SLC35D1: variants seen among roughly 807,000 people sequenced by gnomAD.
The protein encoded by SLC35D1 is nucleotide sugar transporter SLC35D1.
SLC35D1 carries 31 observed loss-of-function variants against 46.7 expected under a neutral mutation model. The observed-to-expected ratio is 0.66, with a 90% CI of 0.50 to 0.90. The LOEUF (loss-of-function observed/expected upper bound fraction) is 0.90. Among genes scored for constraint, SLC35D1 ranks in the 40% least tolerant of loss-of-function variants. The pLI, the probability that SLC35D1 is intolerant of heterozygous loss-of-function variation, is 0.00. For synonymous variants in SLC35D1, 195 were observed against 164.6 expected (o/e 1.18, Z -1.41); for missense variants, 397 against 426.2 (o/e 0.93, Z 0.60).
chr1:66,997,104 A>ATAACT (rs1187151356), downstream of SLC35D1, among the ~76,000 whole-genome samples: 1 of 152,206 alleles, frequency 6.6e-6, no homozygotes, highest in African/African-American at 2.4e-5. Flanking sequence ...GTAGAAGTAA[A>ATAACT]TAACTGGACT....
chr1:66,991,555 TC>T, the SLC35D1 span, among the ~76,000 whole-genome samples: 1 of 152,238 alleles, frequency 6.6e-6, no homozygotes, highest in African/African-American at 2.4e-5. Context: ...TCCATGCTAG[TC>T]TTCACAAGGT....
At chr1:67,046,001 G>C (rs969578751) in intron 7 of SLC35D1, among the ~76,000 whole-genome samples, 11 of 152,048 alleles carry the variant, frequency 7.2e-5, no homozygotes, top group Non-Finnish European at 1.6e-4. Flanking sequence ...ATTTTAAAAA[G>C]ATAAAAATTC....
chr1:67,041,613 A>T (rs967516978), intron 8 of SLC35D1, among the ~76,000 whole-genome samples: 1 of 152,150 alleles, frequency 6.6e-6, no homozygotes, highest in Non-Finnish European at 1.5e-5. Context: ...ATATGTTATC[A>T]ATTTGTCTCC....
At chr1:67,043,663 C>A (rs1222099059) in intron 7 of SLC35D1, among the ~76,000 whole-genome samples, 1 of 152,164 alleles carries the variant, frequency 6.6e-6, no homozygotes, top group Non-Finnish European at 1.5e-5. Context: ...GAAGTATTTC[C>A]GAAAACGTGT....
downstream of SLC35D1, among the ~76,000 whole-genome samples, chr1:66,995,433 T>TAAAAAAAAAAA (rs541234514): frequency 2.8e-4 from 10 of 35,808 alleles, 1 homozygote; most frequent in East Asian, 1.4e-3. Flanking sequence ...CCTGCTACGC[T>TAAAAAAAAAAA]AAAAAAAAAA....
At chr1:67,007,357 A>T (rs1175956170) in intron 11 of SLC35D1, among the ~76,000 whole-genome samples, 1 of 152,106 alleles carries the variant, frequency 6.6e-6, no homozygotes, top group Non-Finnish European at 1.5e-5. Context: ...CACTAATCTC[A>T]TTCATGAGGA....
At chr1:67,015,052 TA>T (rs765673252) in intron 10 of SLC35D1, among the ~76,000 whole-genome samples, 1 of 148,760 alleles carries the variant, frequency 6.7e-6, no homozygotes, top group Non-Finnish European at 1.5e-5. Flanking sequence ...TATATATAAT[TA>T]AAAGTACTAG....
At chr1:67,034,898 T>C (rs1668091295) in intron 8 of SLC35D1, among the ~76,000 whole-genome samples, 1 of 152,214 alleles carries the variant, frequency 6.6e-6, no homozygotes, top group African/African-American at 2.4e-5. Context: ...TCAAATGTTT[T>C]TTCCACCATC....
At chr1:66,987,059 A>G in the SLC35D1 span, 2 of 152,450 alleles carry the variant, frequency 1.3e-5, no homozygotes, top group African/African-American at 4.8e-5. Context: ...GCATGTTTGC[A>G]AAAATATGGC....
In SLC35D1 at chr1:67,042,292, G is replaced by A; in HGVS notation, c.673C>T (p.Leu225=). The change falls in exon 8 of 12, where the codon CTG becomes TTG. Residue 225 remains leucine (L), a synonymous_variant. Transcript: ENST00000235345. ...GKYGLLYYNA[L]FMILPTLAIA... Reference sequence around the variant, plus strand: ...GCCAGGGTGGGCAGAATCATGAACAGTGCATTGTAATAGAGCAGTCCATAT... The same window carrying A: ...GCCAGGGTGGGCAGAATCATGAACAATGCATTGTAATAGAGCAGTCCATAT... The A allele has an allele frequency of 6.2e-7, 1 of 1,614,134 alleles. No individual in the cohort carries two copies. Among genetic ancestry groups the A allele is most frequent in the Non-Finnish European group, 8.5e-7 (1 of 1,180,016 alleles).
At chr1:66,973,702 T>C in the SLC35D1 span, among the ~76,000 whole-genome samples, 1 of 152,136 alleles carries the variant, frequency 6.6e-6, no homozygotes, top group African/African-American at 2.4e-5. Context: ...GTTGTTTCCA[T>C]GAGCAACACA....
the SLC35D1 span, chr1:66,981,859 A>G: frequency 6.2e-7 from 1 of 1,614,042 alleles, no homozygotes; most frequent in Non-Finnish European, 8.5e-7. Flanking sequence ...ACTGCATCAA[A>G]CAGTAGTAAC....
chr1:67,021,687 T>G, intron 8 of SLC35D1, 85 bp from the exon 9 acceptor site: 3 of 1,006,742 alleles, frequency 3.0e-6, no homozygotes, highest in Non-Finnish European at 4.5e-6. Flanking sequence ...TCTACGAGTC[T>G]GCCTCCAACA....
At chr1:67,038,227 C>A (rs1668164229) in intron 8 of SLC35D1, among the ~76,000 whole-genome samples, 1 of 152,140 alleles carries the variant, frequency 6.6e-6, no homozygotes. Flanking sequence ...TCTGTGTGGT[C>A]CACAGAGCAA....
intron 11 of SLC35D1, among the ~76,000 whole-genome samples, chr1:67,007,210 A>T (rs1667468339): frequency 6.6e-6 from 1 of 152,254 alleles, no homozygotes. Context: ...ATGGTGGCTT[A>T]TAAACAACAG....
intron 10 of SLC35D1, among the ~76,000 whole-genome samples, chr1:67,010,347 ATCT>A (rs1667539696): frequency 6.6e-6 from 1 of 152,306 alleles, no homozygotes; most frequent in South Asian, 2.1e-4. Flanking sequence ...ATATCTTTGC[ATCT>A]TCTTCTAAAA....
chr1:66,987,146 T>C, the SLC35D1 span: 5 of 152,874 alleles, frequency 3.3e-5, no homozygotes, highest in Admixed American at 2.0e-4. Flanking sequence ...TCCACTATTA[T>C]GCGTAATGCT....
the SLC35D1 span, among the ~76,000 whole-genome samples, chr1:66,988,832 T>C: frequency 2.0e-4 from 30 of 152,208 alleles, no homozygotes; most frequent in Non-Finnish European, 2.6e-4. Flanking sequence ...TTGTACCAGG[T>C]ACTATGCTTG....
At chr1:67,037,270 TTTAG>T (rs1322973345) in intron 8 of SLC35D1, among the ~76,000 whole-genome samples, 2 of 152,140 alleles carry the variant, frequency 1.3e-5, no homozygotes, top group African/African-American at 2.4e-5. Context: ...GTTGAAAACT[TTTAG>T]TTAAATAAAA....
Sources: allele counts gnomAD v4.1 joint callset (sites outside exome capture counted in the v4.1 genomes callset), GRCh38; gene constraint gnomAD v4.1.1; transcripts MANE v1.5; gene names NCBI Gene and HGNC (gene_info 2026-07-23, HGNC 2026-07-21).